SIPA1L1: variants seen among roughly 807,000 people sequenced by gnomAD.
SIPA1L1 encodes the protein signal-induced proliferation-associated 1-like protein 1.
In SIPA1L1, 26 loss-of-function variants were observed where a neutral mutation model predicts 162.7. The observed-to-expected ratio is 0.16, with a 90% CI of 0.12 to 0.22. The LOEUF (loss-of-function observed/expected upper bound fraction) is 0.22. SIPA1L1 is among the 10% of genes least tolerant of loss of function. The probability of loss-of-function intolerance (pLI) is 1.00; values close to 1 mark genes in which losing one functional copy is unlikely to be tolerated. For synonymous variants in SIPA1L1, 829 were observed against 837.4 expected, an observed-to-expected ratio of 0.99 and a Z score of 0.17; for missense variants, 1,874 against 2,241.0, an observed-to-expected ratio of 0.84 and a Z score of 3.31.
At chr14:71,524,788 G>A (rs142108983) in intron 3 of SIPA1L1, among the ~76,000 whole-genome samples, 207 of 152,106 alleles carry the variant, frequency 1.4e-3, no homozygotes, top group Non-Finnish European at 2.5e-3. Flanking sequence ...TCACACTCTG[G>A]TTGTCTCAGA....
intron 2 of SIPA1L1, among the ~76,000 whole-genome samples, chr14:71,405,565 C>T (rs968621811): frequency 1.3e-5 from 2 of 152,206 alleles, no homozygotes; most frequent in Non-Finnish European, 2.9e-5. Context: ...AATGCCCCTT[C>T]TGGGGTAAAG....
intron 2 of SIPA1L1, among the ~76,000 whole-genome samples, chr14:71,428,083 C>A (rs2043715284): frequency 6.6e-6 from 1 of 151,878 alleles, no homozygotes; most frequent in Non-Finnish European, 1.5e-5. Context: ...GCCTCCACCT[C>A]CCAGATTCAA....
chr14:71,449,095 GC>G (rs1286344423), intron 2 of SIPA1L1: 2 of 152,250 alleles, frequency 1.3e-5, no homozygotes, highest in African/African-American at 4.8e-5. Flanking sequence ...GAGTCAGCCT[GC>G]TTCTCCAAAG....
intron 2 of SIPA1L1, among the ~76,000 whole-genome samples, chr14:71,472,820 A>G (rs932639011): frequency 7.7e-6 from 1 of 130,286 alleles, no homozygotes; most frequent in African/African-American, 2.9e-5. Flanking sequence ...TGCTAATATT[A>G]CTTCTGGGAC....
chr14:71,380,597 A>G (rs911584625), intron 2 of SIPA1L1, among the ~76,000 whole-genome samples: 10 of 152,222 alleles, frequency 6.6e-5, no homozygotes, highest in African/African-American at 2.4e-4. Context: ...AGAGAATAGG[A>G]TACAGGACTC....
intron 6 of SIPA1L1, among the ~76,000 whole-genome samples, chr14:71,619,472 A>T (rs1272911583): frequency 6.6e-6 from 1 of 152,046 alleles, no homozygotes; most frequent in Non-Finnish European, 1.5e-5. Flanking sequence ...TACACAATGT[A>T]TGAGTTTTTT....
chr14:71,697,338 T>C (rs1218606988), intron 13 of SIPA1L1, among the ~76,000 whole-genome samples: 2 of 152,168 alleles, frequency 1.3e-5, no homozygotes, highest in African/African-American at 4.8e-5. Context: ...CAGTTTGTGC[T>C]CAGTAAATAG....
intron 5 of SIPA1L1, among the ~76,000 whole-genome samples, chr14:71,591,518 T>C (rs1297763570): frequency 6.6e-6 from 1 of 152,228 alleles, no homozygotes; most frequent in East Asian, 1.9e-4. Context: ...CTCATAAATC[T>C]AATACCCACT....
In SIPA1L1 at chr14:71,731,621, C is replaced by T. The variant is rs76488407; in HGVS notation, c.4861+1320C>T. On this transcript the variant is annotated intron_variant, in intron 20 of 23. Transcript: ENST00000381232. Reference sequence around the variant, plus strand: ...TGCCTTTGCAGTGTAAAGGTAACCCCTTTGTGAAGTCTTCTCTGCATGTGT... The same window carrying T: ...TGCCTTTGCAGTGTAAAGGTAACCCTTTTGTGAAGTCTTCTCTGCATGTGT... 7.4e-3 allele frequency among the ~76,000 whole-genome samples: 1,131 copies of T among 152,310 alleles called. 13 individuals carry two copies. Among genetic ancestry groups the T allele is most frequent in the African/African-American group, 0.026 (1,061 of 41,562 alleles).
chr14:71,587,805 A>C lies in SIPA1L1; in HGVS notation c.-68A>C. The C allele has an allele frequency of 3.9e-5, 52 of 1,336,904 alleles. No individual in the cohort carries two copies. Among genetic ancestry groups the C allele is most frequent in the African/African-American group, 5.8e-5 (4 of 68,504 alleles). The allele number at this position is 1,336,904 out of a possible 1,614,324, so 82.8% of individuals were successfully genotyped here. A position where few individuals can be genotyped will look rare whatever the true frequency, so the allele number is the denominator to read the frequency against. On this transcript the variant is annotated 5_prime_UTR_variant, in exon 5 of 24. Coordinates refer to ENST00000381232, the MANE Select transcript of SIPA1L1 (RefSeq NM_001386936.1). ...TCTGGAAGCCATTCTCCAAAAGGGA[A>C]GTGCACATTTAAAACACAGATATGA...
chr14:71,606,870 G>A (rs2037581911), intron 5 of SIPA1L1, among the ~76,000 whole-genome samples: 1 of 151,962 alleles, frequency 6.6e-6, no homozygotes, highest in Admixed American at 6.6e-5. Context: ...TTTTCTCTGA[G>A]TCTAAAAGGA....
intron 2 of SIPA1L1, among the ~76,000 whole-genome samples, chr14:71,501,970 C>T (rs900930856): frequency 2.7e-5 from 4 of 147,622 alleles, no homozygotes; most frequent in Non-Finnish European, 5.9e-5. Context: ...CACTTGAACC[C>T]GGGAAGTAGA....
chr14:71,381,177 C>T (rs1012253111), intron 2 of SIPA1L1, among the ~76,000 whole-genome samples: 6 of 152,132 alleles, frequency 3.9e-5, no homozygotes, highest in African/African-American at 1.2e-4. Flanking sequence ...CTCAGCCTTC[C>T]GAGTAGCTGG....
At chr14:71,327,362 G>A (rs2033958795) in intron 2 of SIPA1L1, among the ~76,000 whole-genome samples, 1 of 152,206 alleles carries the variant, frequency 6.6e-6, no homozygotes, top group Admixed American at 6.5e-5. Context: ...GGGATTACAG[G>A]CATGAGCACC....
chr14:71,642,896 T>A (rs2041849624), intron 7 of SIPA1L1, among the ~76,000 whole-genome samples: 1 of 151,884 alleles, frequency 6.6e-6, no homozygotes, highest in African/African-American at 2.4e-5. Flanking sequence ...CTGGACAGAA[T>A]TAACAGCAGA....
intron 19 of SIPA1L1, among the ~76,000 whole-genome samples, chr14:71,725,243 A>G (rs1246633727): frequency 6.6e-5 from 10 of 152,154 alleles, no homozygotes; most frequent in Admixed American, 6.5e-4. Context: ...CTTCTCAGAA[A>G]TGGCCCCATT....
At chr14:71,627,364 C>T (rs1258218604) in intron 7 of SIPA1L1, among the ~76,000 whole-genome samples, 2 of 151,714 alleles carry the variant, frequency 1.3e-5, no homozygotes, top group African/African-American at 2.4e-5. Flanking sequence ...CCAGGGTGGT[C>T]TCGAACTCCT....
At chr14:71,633,751 T>C (rs1324695410) in intron 7 of SIPA1L1, among the ~76,000 whole-genome samples, 3 of 151,996 alleles carry the variant, frequency 2.0e-5, no homozygotes, top group African/African-American at 4.8e-5. Context: ...ATCAGTGAAC[T>C]TGAAGATAAA....
chr14:71,648,515 C>T (rs1209771985), intron 7 of SIPA1L1, among the ~76,000 whole-genome samples: 1 of 152,102 alleles, frequency 6.6e-6, no homozygotes, highest in Non-Finnish European at 1.5e-5. Context: ...TTCGTAGTCC[C>T]TTAATATAAA....
Sources: gnomAD v4.1 joint callset for allele counts (sites outside exome capture counted in the v4.1 genomes callset) on GRCh38, gnomAD v4.1.1 for gene constraint, MANE v1.5 for transcripts, NCBI Gene and HGNC (gene_info 2026-07-23, HGNC 2026-07-21) for gene names.